Variants in DERPC observed in about 807,000 individuals in gnomAD.
DERPC encodes decreased expression in renal and prostate cancer protein.
DERPC carries 1 observed loss-of-function variant against 7.2 expected under a neutral mutation model. The observed-to-expected ratio is 0.14, with a 90% CI of 0.05 to 0.66. The LOEUF is 0.66. Among genes scored for constraint, DERPC ranks in the 30% least tolerant of loss-of-function variants. DERPC has a pLI of 0.84. For synonymous variants in DERPC, 185 were observed against 117.6 expected, an observed-to-expected ratio of 1.57 and a Z score of -3.71; for missense variants, 502 against 299.4, an observed-to-expected ratio of 1.68 and a Z score of -4.99.
chr16:69,124,818 A>G (rs1005278027), intron 1 of DERPC, among the ~76,000 whole-genome samples: 1 of 152,166 alleles, frequency 6.6e-6, no homozygotes, highest in Admixed American at 6.5e-5. Context: ...CTTTACTGGT[A>G]TGTTAATCTT....
chr16:69,129,079 T>G (rs1962297741), intron 1 of DERPC, among the ~76,000 whole-genome samples: 1 of 144,420 alleles, frequency 6.9e-6, no homozygotes, highest in Non-Finnish European at 1.5e-5. Flanking sequence ...ACAGACAAAC[T>G]GAAACAAAAC....
At chr16:69,125,493 G>C (rs1184969654) in intron 1 of DERPC, among the ~76,000 whole-genome samples, 1 of 151,968 alleles carries the variant, frequency 6.6e-6, no homozygotes, top group Admixed American at 6.6e-5. Flanking sequence ...CTTCCCAAAG[G>C]AAAAAAAGTA....
At chr16:69,129,798 T>A (rs931685162) in intron 1 of DERPC, among the ~76,000 whole-genome samples, 2 of 152,210 alleles carry the variant, frequency 1.3e-5, no homozygotes, top group African/African-American at 4.8e-5. Context: ...ACAGCATCTC[T>A]TACAAAATGG....
At chr16:69,123,074 CTTTT>C (rs982967659) in intron 1 of DERPC, among the ~76,000 whole-genome samples, 2 of 152,016 alleles carry the variant, frequency 1.3e-5, no homozygotes, top group African/African-American at 4.8e-5. Flanking sequence ...CTTTTTTCTT[CTTTT>C]GAGACAGGGT....
rs1160214726 is a variant in DERPC at position 69,118,931 on chromosome 16, C to T, written c.1498G>A (p.Gly500Ser). ...CTGGGGAAAGCAGCTGGGTTTGTGCCAGGGAGGCTCCCCACTCTAGGAAAT... is the reference window on the plus strand; with the variant it reads ...CTGGGGAAAGCAGCTGGGTTTGTGCTAGGGAGGCTCCCCACTCTAGGAAAT... ...VPFPRVGSLPGTNPAAFPRPG... is the reference protein window; with the variant it reads ...VPFPRVGSLPSTNPAAFPRPG... Residue 500 changes from glycine (G) to serine (S), a missense_variant, in exon 3 of 3, where the codon GGC (glycine) becomes AGC (serine). By Grantham distance (56) the Gly-to-Ser change is moderately conservative. Coordinates refer to ENST00000519520, the MANE Select transcript of DERPC (RefSeq NM_001002847.4). 5.7e-6 allele frequency: 4 copies of T among 702,998 alleles called. No individual in the cohort carries two copies. The highest frequency in any genetic ancestry group is 4.0e-5 in the Admixed American group (2 of 50,004). The allele number at this position is 702,998 out of a possible 1,614,324, so 43.5% of individuals were successfully genotyped here.
intron 1 of DERPC, among the ~76,000 whole-genome samples, chr16:69,125,502 T>C (rs1391254762): frequency 6.6e-6 from 1 of 152,130 alleles, no homozygotes; most frequent in African/African-American, 2.4e-5. Context: ...GGAAAAAAAG[T>C]ATTAATGAGA....
chr16:69,121,944 C>T (rs1352804711), intron 1 of DERPC, among the ~76,000 whole-genome samples: 1 of 152,196 alleles, frequency 6.6e-6, no homozygotes, highest in African/African-American at 2.4e-5. Context: ...GCTGGGATTA[C>T]AGGTGTGAGC....
chr16:69,129,403 C>G (rs1174238473), intron 1 of DERPC, among the ~76,000 whole-genome samples: 3 of 135,920 alleles, frequency 2.2e-5, no homozygotes, highest in Admixed American at 8.7e-5. Flanking sequence ...GCACTCCAGC[C>G]TAGGCAACAG....
At position 69,118,990 on chromosome 16, in the gene DERPC, C is replaced by T. The variant is rs1057065856; in HGVS notation, c.1439G>A (p.Arg480Lys). 9 of 702,952 alleles carry T rather than the reference C, an allele frequency of 1.3e-5. No homozygotes were observed. The highest frequency in any genetic ancestry group is 2.0e-5 in the Admixed American group (1 of 50,002). The allele number at this position is 702,952 out of a possible 1,614,324, so 43.5% of individuals were successfully genotyped here. A position where few individuals can be genotyped will look rare whatever the true frequency, so the allele number is the denominator to read the frequency against. The part of the protein sequence containing the change: ...TLGLNPASFP[R>K]MNGPAGKSFV... ...ACTCTTGCCTGCAGGGCCATTCATC[C>T]TTGGAAAGGAAGCTGGGTTGAGACC... Residue 480 changes from arginine to lysine, a missense_variant, in exon 3 of 3, where the codon AGG (arginine) becomes AAG (lysine). Arg to Lys is a conservative substitution (Grantham distance 26, BLOSUM62 2). Transcript: ENST00000519520.
In DERPC at chr16:69,120,614, C is replaced by G; in HGVS notation, c.-186G>C. On this transcript the variant is annotated 5_prime_UTR_variant, in exon 3 of 3. Transcript: ENST00000519520. The surrounding 1 kb of genome is among the most constrained non-coding windows in gnomAD (Gnocchi z 4.0). ...TCTCCAGGTGGATGATTTTCCCATA[C>G]AGGATATGATGCCCCACGATCAGCA... 6.2e-7 allele frequency: 1 copy of G among 1,613,740 alleles called. No individual in the cohort carries two copies. Among genetic ancestry groups the G allele is most frequent in the Non-Finnish European group, 8.5e-7 (1 of 1,179,702 alleles).
chr16:69,120,339 C>A lies in DERPC; in HGVS notation c.90G>T (p.Leu30=), dbSNP rs763359253. 113 of 1,361,500 alleles carry A rather than the reference C, an allele frequency of 8.3e-5. No homozygotes were observed. The Middle Eastern group carries it at 1.1e-3, about 13-fold the overall frequency. 84.3% of individuals were successfully genotyped at this position (1,361,500 alleles called of 1,614,324 possible). ...LPPRGRLDGS[L]GPQGGPVLNT... is the part of the protein sequence containing the mutation. ...TCAGAACAGGACCCCCCTGTGGTCC[C>A]AGGGAACCGTCGAGCCGTCCTCGAG... The change falls in exon 3 of 3, where the codon CTG becomes CTT. Residue 30 remains leucine (L), a synonymous_variant. Coordinates refer to ENST00000519520, the MANE Select transcript of DERPC (RefSeq NM_001002847.4). This position sits in a 1 kb window ranked among gnomAD's most constrained non-coding sequence, Gnocchi z 4.0.
At chr16:69,123,925 T>TAAAAAAAA (rs757493986) in intron 1 of DERPC, among the ~76,000 whole-genome samples, 3 of 76,956 alleles carry the variant, frequency 3.9e-5, no homozygotes, top group Non-Finnish European at 7.6e-5. Context: ...CCATCTCTAC[T>TAAAAAAAA]AAAAAAAAAA....
intron 1 of DERPC, among the ~76,000 whole-genome samples, chr16:69,122,389 T>C (rs1327865636): frequency 1.3e-5 from 2 of 151,954 alleles, no homozygotes; most frequent in Non-Finnish European, 2.9e-5. Flanking sequence ...TTTCTTTTTC[T>C]TGAGACCAAG....
At chr16:69,122,213 T>C (rs957630242) in intron 1 of DERPC, among the ~76,000 whole-genome samples, 1 of 152,222 alleles carries the variant, frequency 6.6e-6, no homozygotes, top group African/African-American at 2.4e-5. Flanking sequence ...ACATATGAGA[T>C]AGGGTTGCTT....
intron 1 of DERPC, among the ~76,000 whole-genome samples, chr16:69,123,305 A>T (rs542363947): frequency 1.4e-4 from 22 of 152,126 alleles, no homozygotes; most frequent in Non-Finnish European, 2.9e-4. Context: ...TTTGGTAATG[A>T]TGTAAGCTTC....
Position 69,120,625 on chromosome 16 carries a change from G to A in DERPC, c.-197C>T, listed in dbSNP as rs772518410. ...ATGATTTTCCCATACAGGATATGATGCCCCACGATCAGCACAGGGATTCCC... is the reference window on the plus strand; with the variant it reads ...ATGATTTTCCCATACAGGATATGATACCCCACGATCAGCACAGGGATTCCC... On this transcript the variant is annotated 5_prime_UTR_variant, in exon 3 of 3. Coordinates refer to ENST00000519520, the MANE Select transcript of DERPC (RefSeq NM_001002847.4). This position sits in a 1 kb window ranked among gnomAD's most constrained non-coding sequence, Gnocchi z 4.0. 1 of 1,612,714 alleles carries A rather than the reference G, an allele frequency of 6.2e-7. No individual in the cohort carries two copies. Among genetic ancestry groups the A allele is most frequent in the Non-Finnish European group, 8.5e-7 (1 of 1,178,852 alleles).
At chr16:69,130,724 A>G (rs1962438279) in intron 1 of DERPC, among the ~76,000 whole-genome samples, 2 of 152,212 alleles carry the variant, frequency 1.3e-5, no homozygotes, top group African/African-American at 4.8e-5. Flanking sequence ...TTTCCCAGAG[A>G]AAGGTGGCAT....
intron 1 of DERPC, among the ~76,000 whole-genome samples, chr16:69,124,145 T>A (rs970141439): frequency 1.5e-4 from 23 of 151,908 alleles, no homozygotes; most frequent in African/African-American, 4.6e-4. Flanking sequence ...TTTCATTTTA[T>A]ACAACAGCAG....
At chr16:69,126,242 C>G (rs568103631) in intron 1 of DERPC, among the ~76,000 whole-genome samples, 1 of 152,302 alleles carries the variant, frequency 6.6e-6, no homozygotes, top group Admixed American at 6.5e-5. Flanking sequence ...TCCTGACAAC[C>G]AAAATCAATC....
Sources: gnomAD v4.1 joint callset for allele counts (sites outside exome capture counted in the v4.1 genomes callset) on GRCh38, gnomAD v4.1.1 for gene constraint, Gnocchi (gnomAD v3.1) non-coding constraint, MANE v1.5 for transcripts, NCBI Gene and HGNC (gene_info 2026-07-23, HGNC 2026-07-21) for gene names.